CCDC120: variants seen among roughly 807,000 people sequenced by gnomAD.
CCDC120 encodes coiled-coil domain containing 120.
CCDC120 carries 16 observed loss-of-function variants against 37.6 expected under a neutral mutation model. That is an observed-to-expected ratio of 0.43 (90% CI 0.29 to 0.65). CCDC120 has a LOEUF of 0.65. Ranked by LOEUF, CCDC120 falls within the 30% of genes least tolerant of loss-of-function variation. The pLI, the probability that CCDC120 is intolerant of heterozygous loss-of-function variation, is 0.18. For missense variants in CCDC120, 650 were observed against 657.4 expected (o/e 0.99, Z 0.12); for synonymous variants, 309 against 275.4 (o/e 1.12, Z -1.21).
At chrX:49,059,446 A>G (rs2064858190) in intron 1 of CCDC120, 1 of 542,127 alleles carries the variant, frequency 1.8e-6, no homozygotes, top group Non-Finnish European at 2.2e-6. Context: ...CCCCCAACCC[A>G]GGGCCCAGCT....
chrX:49,061,037 C>T (rs1322165050), intron 1 of CCDC120, among the ~76,000 whole-genome samples: 3 of 111,642 alleles, frequency 2.7e-5, no homozygotes, highest in African/African-American at 9.8e-5. Context: ...ACTCAGCTGC[C>T]CAGCTGGGGA....
At position 49,067,480 on chromosome X, in the gene CCDC120, G is replaced by C; in HGVS notation, c.1366G>C (p.Ala456Pro). Residue 456 changes from alanine to proline, a missense_variant, in exon 10 of 11, where the codon GCC becomes CCC. This residue lies in a region of CCDC120 where 576 missense variants were observed against 565.3 expected (regional missense o/e 1.02). Coordinates refer to ENST00000603986, the MANE Select transcript of CCDC120 (RefSeq NM_001163321.4). ...AGGCCCCCCAGACCCTCCCCGGGCCGCCCGGCCTAGCTCAGCTGCCCCTGC... is the reference window on the plus strand; with the variant it reads ...AGGCCCCCCAGACCCTCCCCGGGCCCCCCGGCCTAGCTCAGCTGCCCCTGC... ...TAGPPDPPRA[A>P]RPSSAAPASR... 1 of 1,169,799 alleles carries C rather than the reference G, an allele frequency of 8.5e-7. No individual in the cohort carries two copies.
rs782528230 is a variant in CCDC120 at position 49,067,523 on chromosome X, G to A, written c.1409G>A (p.Arg470Gln). 1.7e-6 allele frequency: 2 copies of A among 1,164,370 alleles called. No individual in the cohort carries two copies. Among genetic ancestry groups the A allele is most frequent in the Non-Finnish European group, 2.3e-6 (2 of 870,106 alleles). Reference sequence around the variant, plus strand: ...GCCCCTGCCTCCCGAGGTGCCCCCCGGCTCCCACCTGTGTGTGGAGACTTC... The same window carrying A: ...GCCCCTGCCTCCCGAGGTGCCCCCCAGCTCCCACCTGTGTGTGGAGACTTC... ...SAAPASRGAP[R>Q]LPPVCGDFLL... Residue 470 changes from arginine (R) to glutamine (Q), a missense_variant, in exon 10 of 11, where the codon CGG becomes CAG. By Grantham distance (43) the Arg-to-Gln change is conservative. This residue lies in a region of CCDC120 where 576 missense variants were observed against 565.3 expected (regional missense o/e 1.02). Transcript: ENST00000603986.
At chrX:49,057,571 AG>A (rs1427868570), upstream of CCDC120, among the ~76,000 whole-genome samples, 2 of 112,725 alleles carry the variant, frequency 1.8e-5, no homozygotes, top group Non-Finnish European at 3.8e-5. Flanking sequence ...GGGCGATGAA[AG>A]GGGCCTTTGT....
rs1479800510 is a variant in CCDC120, at chrX:49,067,401, T to C, written c.1287T>C (p.Ser429=). The C allele has an allele frequency of 8.4e-7, 1 of 1,192,513 alleles. No homozygotes were observed. Among genetic ancestry groups the C allele is most frequent in the Non-Finnish European group, 1.1e-6 (1 of 887,212 alleles). ...CTGGCCCCCCAGTCTGCAAGAGCAG[T>C]GAGGTGCTGTATGAGCGCCCCCAAC... ...SASGPPVCKS[S]EVLYERPQPT... is the part of the protein sequence containing the mutation. The change falls in exon 10 of 11, where the codon AGT becomes AGC. Residue 429 remains serine, a synonymous_variant. Transcript: ENST00000603986.
chrX:49,058,937 G>C (rs1038930019), upstream of CCDC120: 2 of 112,591 alleles, frequency 1.8e-5, no homozygotes, highest in African/African-American at 6.4e-5. Context: ...GTGTGGGCCG[G>C]CCCAGTTCCT....
In CCDC120 at chrX:49,064,590, T is replaced by C; in HGVS notation, c.650T>C (p.Leu217Pro). The C allele has an allele frequency of 8.4e-7, 1 of 1,188,540 alleles. No homozygotes were observed. ...CCAGTGCTCCCGCTGCCCCAGCCAC[T>C]GCCACTGTCCACGGGGTCAGTGATC... ...GLPVLPLPQP[L>P]PLSTGSVITT... Residue 217 changes from leucine (L) to proline (P), a missense_variant, in exon 6 of 11, where the codon CTG (leucine) becomes CCG (proline). Physicochemically the swap from Leu to Pro is moderately conservative, Grantham distance 98 (BLOSUM62 -3). Coordinates refer to ENST00000603986, the MANE Select transcript of CCDC120 (RefSeq NM_001163321.4).
intron 1 of CCDC120, among the ~76,000 whole-genome samples, chrX:49,061,488 C>T (rs868930036): frequency 8.9e-6 from 1 of 112,899 alleles, no homozygotes; most frequent in African/African-American, 3.2e-5. Context: ...GATAATGTTT[C>T]CTGTCCTCGT....
intron 10 of CCDC120, 154 bp downstream of exon 10, chrX:49,068,244 C>G: frequency 9.2e-7 from 1 of 1,090,136 alleles, no homozygotes; most frequent in East Asian, 3.4e-5. Flanking sequence ...TGCACATGAC[C>G]TGCATTAGTC....
At chrX:49,054,399 C>T (rs2064818492), upstream of CCDC120, among the ~76,000 whole-genome samples, 1 of 111,263 alleles carries the variant, frequency 9.0e-6, no homozygotes, top group Non-Finnish European at 1.9e-5. Context: ...TCTGTCCTTT[C>T]TCTGCACCCT....
intron 9 of CCDC120, 149 bp downstream of exon 9, chrX:49,065,994 G>A (rs782622680): frequency 1.5e-5 from 8 of 527,144 alleles, no homozygotes; most frequent in South Asian, 3.2e-5. Context: ...AGGCCGAGGC[G>A]GGCGGGTTAC....
At chrX:49,057,772 G>A (rs1363598911), upstream of CCDC120, among the ~76,000 whole-genome samples, 1 of 112,215 alleles carries the variant, frequency 8.9e-6, no homozygotes, top group Non-Finnish European at 1.9e-5. Flanking sequence ...TGGGCCCTGG[G>A]TCACAGAGCA....
chrX:49,068,164 G>A, intron 10 of CCDC120, 74 bp downstream of exon 10: 1 of 1,128,622 alleles, frequency 8.9e-7, no homozygotes, highest in East Asian at 3.3e-5. Context: ...CCAGGGAGTG[G>A]CTAGTCATGA....
chrX:49,061,367 C>T (rs2064883739), intron 1 of CCDC120, among the ~76,000 whole-genome samples: 2 of 112,130 alleles, frequency 1.8e-5, no homozygotes, highest in South Asian at 7.4e-4. Context: ...GGCTCCACCG[C>T]CTCCTCATTT....
rs371924806 is a variant in CCDC120 at position 49,064,602 on chromosome X, C to T, written c.662C>T (p.Thr221Met). 2.8e-5 allele frequency: 33 copies of T among 1,191,473 alleles called. No individual in the cohort carries two copies. In the South Asian group the frequency reaches 2.9e-4, roughly 11 times the overall value. ...LPLPQPLPLS[T>M]GSVITTQGVC... ...CTGCCCCAGCCACTGCCACTGTCCA[C>T]GGGGTCAGTGATCACCACCCAGGGA... is the stretch of plus-strand genomic sequence containing the variant. The change falls in exon 6 of 11, where the codon ACG becomes ATG. Residue 221 changes from threonine to methionine, a missense_variant. Physicochemically the swap from Thr to Met is moderately conservative, Grantham distance 81. Transcript: ENST00000603986.
At chrX:49,053,611 G>C (rs2064812709) in exon 1 of CCDC120, 1 of 113,128 alleles carries the variant, frequency 8.8e-6, no homozygotes, top group South Asian at 3.6e-4. Flanking sequence ...TGGCCGTGCC[G>C]CTGGAAGCGG....
At chrX:49,057,181 TGGCCCA>T (rs1244379229), upstream of CCDC120, among the ~76,000 whole-genome samples, 1 of 111,939 alleles carries the variant, frequency 8.9e-6, no homozygotes, top group African/African-American at 3.2e-5. Context: ...TTTGTCTGCC[TGGCCCA>T]GGAGGTCCAG....
At chrX:49,060,175 A>G (rs1240013360) in intron 1 of CCDC120, among the ~76,000 whole-genome samples, 2 of 111,722 alleles carry the variant, frequency 1.8e-5, no homozygotes, top group Non-Finnish European at 3.8e-5. Context: ...ATGTAATCCC[A>G]GCACTTTGGG....
Position 49,069,814 on chromosome X carries a change from C to A in CCDC120, c.*1156C>A, listed in dbSNP as rs1032125920. 1 of 112,651 alleles carries A rather than the reference C, an allele frequency of 8.9e-6. No homozygotes were observed. Among genetic ancestry groups the A allele is most frequent in the Admixed American group, 9.4e-5 (1 of 10,600 alleles). 9.3% of individuals were successfully genotyped at this position (112,651 alleles called of 1,213,427 possible). A position where few individuals can be genotyped will look rare whatever the true frequency, so the allele number is the denominator to read the frequency against. On this transcript the variant is annotated 3_prime_UTR_variant, in exon 11 of 11. Coordinates refer to ENST00000603986, the MANE Select transcript of CCDC120 (RefSeq NM_001163321.4). Reference sequence around the variant, plus strand: ...GTGGATCTGGACCCAAGACATTACCCACACTGGAAGGGGATTTGTATAATA... The same window carrying A: ...GTGGATCTGGACCCAAGACATTACCAACACTGGAAGGGGATTTGTATAATA...
Sources: gnomAD v4.1 joint callset for allele counts (sites outside exome capture counted in the v4.1 genomes callset) on GRCh38, gnomAD v4.1.1 for gene constraint, gnomAD v4.1.1 regional missense constraint, MANE v1.5 for transcripts, NCBI Gene and HGNC (gene_info 2026-07-23, HGNC 2026-07-21) for gene names.